EML6: variants seen among roughly 807,000 people sequenced by gnomAD.
The protein encoded by EML6 is EMAP like 6.
A neutral mutation model predicts 240.1 loss-of-function variants in EML6; 154 were observed. That is an observed-to-expected ratio of 0.64 (90% CI 0.56 to 0.73). The LOEUF is 0.73. Among genes scored for constraint, EML6 ranks in the 30% least tolerant of loss-of-function variants. The pLI is 0.00. For synonymous variants in EML6, 1,148 were observed against 899.0 expected (o/e 1.28, Z -4.95); for missense variants, 2,964 against 2,474.6 (o/e 1.20, Z -4.20).
chr2:54,741,777 G>T (rs1683645654), intron 2 of EML6, among the ~76,000 whole-genome samples: 1 of 152,166 alleles, frequency 6.6e-6, no homozygotes, highest in Non-Finnish European at 1.5e-5. Flanking sequence ...ATAATCTGTA[G>T]AATAAAATAA....
chr2:54,927,686 AC>A (rs1487767979), intron 26 of EML6, among the ~76,000 whole-genome samples: 7 of 152,334 alleles, frequency 4.6e-5, no homozygotes, highest in Admixed American at 3.9e-4. Flanking sequence ...GCCTGGGCAC[AC>A]CACTCCAAAA....
chr2:54,784,890 A>G (rs1413235814), intron 2 of EML6, among the ~76,000 whole-genome samples: 1 of 152,216 alleles, frequency 6.6e-6, no homozygotes, highest in East Asian at 1.9e-4. Flanking sequence ...GTATTTGTCA[A>G]TACCATAAGA....
At chr2:54,737,309 G>C (rs1049237516) in intron 2 of EML6, among the ~76,000 whole-genome samples, 2 of 152,014 alleles carry the variant, frequency 1.3e-5, no homozygotes, top group African/African-American at 4.8e-5. Flanking sequence ...TTTTGTTTTT[G>C]TTTTTTTAAG....
At chr2:54,765,729 G>T (rs919726092) in intron 2 of EML6, among the ~76,000 whole-genome samples, 1 of 152,112 alleles carries the variant, frequency 6.6e-6, no homozygotes, top group Non-Finnish European at 1.5e-5. Context: ...CAAAGTGCTG[G>T]GATTACAGGC....
At chr2:54,869,447 G>A in intron 15 of EML6, 80 bp downstream of exon 15, 1 of 1,071,060 alleles carries the variant, frequency 9.3e-7, no homozygotes, top group Non-Finnish European at 1.3e-6. Flanking sequence ...AGAAATTCAA[G>A]AAATGCTTGG....
intron 14 of EML6, 125 bp from the exon 15 acceptor site, chr2:54,869,056 A>C (rs1005393787): frequency 1.7e-6 from 1 of 597,420 alleles, no homozygotes; most frequent in East Asian, 2.8e-5. Flanking sequence ...TTGCTGTCCT[A>C]TGTGACACCT....
intron 24 of EML6, among the ~76,000 whole-genome samples, chr2:54,906,157 G>C (rs1180536692): frequency 1.3e-5 from 2 of 152,158 alleles, no homozygotes; most frequent in Non-Finnish European, 2.9e-5. Context: ...GTACACAAGG[G>C]TTCAAATCTC....
chr2:54,970,015 T>C (rs1384978514), intron 41 of EML6, 56 bp from the exon 42 acceptor site: 16 of 1,546,072 alleles, frequency 1.0e-5, no homozygotes, highest in Middle Eastern at 3.3e-4. Context: ...TTTTTGCCAC[T>C]TGACACAAGT....
intron 8 of EML6, among the ~76,000 whole-genome samples, 196 bp downstream of exon 8, chr2:54,844,444 T>C (rs1285058238): frequency 6.6e-6 from 1 of 152,224 alleles, no homozygotes; most frequent in Non-Finnish European, 1.5e-5. Flanking sequence ...TCTTAAATCA[T>C]GGAAATGTTT....
In EML6 at chr2:54,725,263, G is replaced by C; in HGVS notation, c.197+5G>C. 7.0e-7 allele frequency: 1 copy of C among 1,424,756 alleles called. No individual in the cohort carries two copies. The highest frequency in any genetic ancestry group is 9.3e-7 in the Non-Finnish European group (1 of 1,077,722). 88.3% of individuals were successfully genotyped at this position (1,424,756 alleles called of 1,614,324 possible). A position where few individuals can be genotyped will look rare whatever the true frequency, so the allele number is the denominator to read the frequency against. ...ACACAACGACGACATTATCAGGTAAGGGGGTGGCCAGGGGCGGCGGGGAGG... is the reference window on the plus strand; with the variant it reads ...ACACAACGACGACATTATCAGGTAACGGGGTGGCCAGGGGCGGCGGGGAGG... On this transcript the variant is annotated splice_donor_5th_base_variant and intron_variant, in intron 2 of 41. Transcript: ENST00000356458. The surrounding 1 kb of genome is among the most constrained non-coding windows in gnomAD (Gnocchi z 4.3).
intron 10 of EML6, among the ~76,000 whole-genome samples, chr2:54,850,980 A>G (rs1670049632): frequency 6.6e-6 from 1 of 152,242 alleles, no homozygotes; most frequent in African/African-American, 2.4e-5. Context: ...ATTTATATAA[A>G]CTTTTAGCAC....
intron 17 of EML6, among the ~76,000 whole-genome samples, chr2:54,883,525 G>T (rs1479805551): frequency 6.6e-6 from 1 of 152,184 alleles, no homozygotes; most frequent in African/African-American, 2.4e-5. Context: ...CCAGTGTGCA[G>T]TTGCCCTTGG....
chr2:54,820,583 C>G (rs1668286812), intron 5 of EML6, 121 bp downstream of exon 5: 2 of 578,636 alleles, frequency 3.5e-6, no homozygotes, highest in African/African-American at 3.8e-5. Flanking sequence ...ATATAGAGCC[C>G]TCTTACCTGT....
At chr2:54,865,877 C>T (rs1670946007) in intron 13 of EML6, among the ~76,000 whole-genome samples, 1 of 152,190 alleles carries the variant, frequency 6.6e-6, no homozygotes, top group African/African-American at 2.4e-5. Flanking sequence ...TTGAAGCCCA[C>T]AGAGGTTATG....
At chr2:54,890,988 G>T in intron 17 of EML6, 66 bp from the exon 18 acceptor site, 1 of 763,402 alleles carries the variant, frequency 1.3e-6, no homozygotes, top group Admixed American at 2.5e-5. Flanking sequence ...CCAAATGCAT[G>T]CTTTTAATAA....
chr2:54,776,210 G>T (rs890574026), intron 2 of EML6, among the ~76,000 whole-genome samples: 2 of 151,958 alleles, frequency 1.3e-5, no homozygotes, highest in Admixed American at 1.3e-4. Context: ...AGTGATAAGT[G>T]GAAAAGGAGG....
chr2:54,950,822 T>G (rs754242116), intron 30 of EML6, 43 bp downstream of exon 30: 6 of 1,532,766 alleles, frequency 3.9e-6, no homozygotes, highest in Non-Finnish European at 5.3e-6. Context: ...TTTAGCTGTT[T>G]TTTACATGCT....
At chr2:54,871,627 A>G in intron 16 of EML6, 22 bp downstream of exon 16, 10 of 1,479,782 alleles carry the variant, frequency 6.8e-6, no homozygotes, top group Non-Finnish European at 6.5e-6. Flanking sequence ...AGTGATTGAC[A>G]CATGGTTCTA....
At chr2:54,805,205 C>T (rs558461503) in intron 2 of EML6, among the ~76,000 whole-genome samples, 2 of 152,260 alleles carry the variant, frequency 1.3e-5, no homozygotes, top group Middle Eastern at 3.4e-3. Flanking sequence ...ATAATCTATC[C>T]ATTCACTTGT....
Sources: gnomAD v4.1 joint callset for allele counts (sites outside exome capture counted in the v4.1 genomes callset) on GRCh38, gnomAD v4.1.1 for gene constraint, Gnocchi (gnomAD v3.1) non-coding constraint, MANE v1.5 for transcripts, NCBI Gene and HGNC (gene_info 2026-07-23, HGNC 2026-07-21) for gene names.